PLD5: variants seen among roughly 807,000 people sequenced by gnomAD.
PLD5 encodes phospholipase D family member 5.
Under a neutral mutation model 61.1 loss-of-function variants are expected in PLD5, and 36 were observed. The ratio of observed to expected loss-of-function variants is 0.59; its 90% CI spans 0.45 to 0.78. The LOEUF (loss-of-function observed/expected upper bound fraction) is 0.78. PLD5 is among the 30% of genes least tolerant of loss of function. PLD5 has a pLI of 0.00. For missense variants in PLD5, 515 were observed against 644.4 expected (o/e 0.80, Z 2.17); for synonymous variants, 243 against 242.8 (o/e 1.00, Z -0.01).
intron 1 of PLD5, among the ~76,000 whole-genome samples, chr1:242,468,115 G>A (rs1476744830): frequency 6.6e-6 from 1 of 152,098 alleles, no homozygotes; most frequent in Non-Finnish European, 1.5e-5. Context: ...TCATAACAAG[G>A]TCTTTTAACA....
At chr1:242,221,269 C>T (rs1670570583) in intron 4 of PLD5, among the ~76,000 whole-genome samples, 1 of 152,140 alleles carries the variant, frequency 6.6e-6, no homozygotes, top group East Asian at 1.9e-4. Flanking sequence ...AAATAAATTT[C>T]TGCTAAAGGT....
intron 1 of PLD5, among the ~76,000 whole-genome samples, chr1:242,456,061 T>C (rs1263692411): frequency 6.6e-6 from 1 of 152,246 alleles, no homozygotes; most frequent in Non-Finnish European, 1.5e-5. Flanking sequence ...ACATATTTTA[T>C]TTAAGAGTGT....
At chr1:242,121,696 G>A (rs1306372014) in intron 6 of PLD5, among the ~76,000 whole-genome samples, 1 of 152,018 alleles carries the variant, frequency 6.6e-6, no homozygotes, top group Non-Finnish European at 1.5e-5. Context: ...CAACCCAAAT[G>A]TCCATCAATG....
chr1:242,520,334 G>A (rs567628161), intron 1 of PLD5, among the ~76,000 whole-genome samples: 1 of 152,272 alleles, frequency 6.6e-6, no homozygotes, highest in East Asian at 1.9e-4. Flanking sequence ...ATACTTTCGT[G>A]GTGTCCGAGT....
At chr1:242,245,443 C>T (rs1441695893) in intron 4 of PLD5, among the ~76,000 whole-genome samples, 1 of 152,224 alleles carries the variant, frequency 6.6e-6, no homozygotes, top group East Asian at 1.9e-4. Flanking sequence ...CTGTAACAGC[C>T]TCAAATCAAG....
intron 5 of PLD5, among the ~76,000 whole-genome samples, chr1:242,139,183 T>C (rs954635951): frequency 6.6e-6 from 1 of 152,102 alleles, no homozygotes; most frequent in South Asian, 2.1e-4. Flanking sequence ...AATACTACTG[T>C]GTTATTTCAC....
At chr1:242,227,408 A>G (rs1671019286) in intron 4 of PLD5, among the ~76,000 whole-genome samples, 1 of 152,140 alleles carries the variant, frequency 6.6e-6, no homozygotes, top group Non-Finnish European at 1.5e-5. Flanking sequence ...TCTGTCACCC[A>G]GGCTGGGGTG....
chr1:242,146,568 G>T (rs905591253), intron 5 of PLD5, among the ~76,000 whole-genome samples: 1 of 151,986 alleles, frequency 6.6e-6, no homozygotes, highest in African/African-American at 2.4e-5. Flanking sequence ...TACACTTGAA[G>T]AAATTTTTAT....
At chr1:242,280,754 A>G (rs575851571) in intron 3 of PLD5, among the ~76,000 whole-genome samples, 2 of 152,240 alleles carry the variant, frequency 1.3e-5, no homozygotes, top group Non-Finnish European at 2.9e-5. Flanking sequence ...AAAATTGTTA[A>G]GAAATTTTAA....
rs539123517 is a variant in PLD5, at chr1:242,469,815, C to A, written c.189+54273G>T. 2.9e-4 allele frequency among the ~76,000 whole-genome samples: 44 copies of A among 152,242 alleles called. No individual in the cohort carries two copies. The South Asian group carries it at 8.9e-3, about 31-fold the overall frequency. ...CATCCAGCACTTAGAACTATGGCTG[C>A]ACAATCAGAACAGACTGCTGTGTAG... On this transcript the variant is annotated intron_variant, in intron 1 of 9. Transcript: ENST00000536534.
At chr1:242,296,959 C>T (rs1024702349) in intron 2 of PLD5, among the ~76,000 whole-genome samples, 3 of 152,180 alleles carry the variant, frequency 2.0e-5, no homozygotes, top group Non-Finnish European at 4.4e-5. Context: ...CACCTGGCAT[C>T]AAGCAATCCT....
intron 1 of PLD5, among the ~76,000 whole-genome samples, chr1:242,395,034 A>ATTATAT (rs1553366925): frequency 9.4e-6 from 1 of 106,362 alleles, no homozygotes; most frequent in African/African-American, 4.4e-5. Flanking sequence ...TGTATATATG[A>ATTATAT]ATGTATATGT....
At chr1:242,473,833 A>G (rs182535740) in intron 1 of PLD5, among the ~76,000 whole-genome samples, 28 of 152,290 alleles carry the variant, frequency 1.8e-4, no homozygotes, top group African/African-American at 6.5e-4. Context: ...AAATACCCCC[A>G]CAAAATAGTA....
chr1:242,375,324 C>G (rs1393503891), intron 1 of PLD5, among the ~76,000 whole-genome samples: 5 of 152,192 alleles, frequency 3.3e-5, no homozygotes, highest in Non-Finnish European at 5.9e-5. Flanking sequence ...CAGGCAAACC[C>G]AAAGAGCTGT....
intron 9 of PLD5, among the ~76,000 whole-genome samples, chr1:242,092,978 C>G (rs1433783175): frequency 6.6e-6 from 1 of 152,174 alleles, no homozygotes; most frequent in Non-Finnish European, 1.5e-5. Context: ...TTTGCTTTAT[C>G]CTTCTCCCCT....
At chr1:242,242,194 G>A (rs1294207483) in intron 4 of PLD5, among the ~76,000 whole-genome samples, 2 of 151,934 alleles carry the variant, frequency 1.3e-5, no homozygotes, top group African/African-American at 4.8e-5. Context: ...GAACGAGTTA[G>A]TTGATGAATG....
chr1:242,522,646 T>C (rs1303049880), intron 1 of PLD5, among the ~76,000 whole-genome samples: 1 of 152,216 alleles, frequency 6.6e-6, no homozygotes, highest in East Asian at 1.9e-4. Context: ...GCCACATCAT[T>C]GGTTGATTAC....
chr1:242,336,940 A>AT (rs1249760198), intron 2 of PLD5, among the ~76,000 whole-genome samples: 2 of 152,186 alleles, frequency 1.3e-5, no homozygotes, highest in East Asian at 1.9e-4. Context: ...TCATCCATTT[A>AT]TTTTTTTATA....
At chr1:242,176,766 G>A (rs1667176635) in intron 5 of PLD5, among the ~76,000 whole-genome samples, 1 of 152,084 alleles carries the variant, frequency 6.6e-6, no homozygotes, top group South Asian at 2.1e-4. Context: ...GTGTCCAAAG[G>A]ATATGAACAG....
Sources: gnomAD v4.1 joint callset for allele counts (sites outside exome capture counted in the v4.1 genomes callset) on GRCh38, gnomAD v4.1.1 for gene constraint, MANE v1.5 for transcripts, NCBI Gene and HGNC (gene_info 2026-07-23, HGNC 2026-07-21) for gene names.